The following C1QTNF3 variants were observed in gnomAD, a reference collection of about 807,000 sequenced individuals.
C1QTNF3 encodes complement C1q tumor necrosis factor-related protein 3.
C1QTNF3 carries 26 observed loss-of-function variants against 32.6 expected under a neutral mutation model. The ratio of observed to expected loss-of-function variants is 0.80; its 90% CI spans 0.58 to 1.11. C1QTNF3 has a LOEUF of 1.11. Among genes scored for constraint, C1QTNF3 ranks in the 50% least tolerant of loss-of-function variants. The pLI, the probability that C1QTNF3 is intolerant of heterozygous loss-of-function variation, is 0.00. For synonymous variants in C1QTNF3, 155 were observed against 146.0 expected, an observed-to-expected ratio of 1.06 and a Z score of -0.44; for missense variants, 362 against 398.2, an observed-to-expected ratio of 0.91 and a Z score of 0.77.
At chr5:34,161,740 T>C in the C1QTNF3 span, among the ~76,000 whole-genome samples, 1 of 152,172 alleles carries the variant, frequency 6.6e-6, no homozygotes, top group Non-Finnish European at 1.5e-5. Context: ...ATTTTAAAAA[T>C]ATTGTAAATG....
the C1QTNF3 span, among the ~76,000 whole-genome samples, chr5:34,234,249 T>C: frequency 6.6e-6 from 1 of 152,152 alleles, no homozygotes; most frequent in Non-Finnish European, 1.5e-5. Flanking sequence ...GATTTCTTGC[T>C]TACATATCAG....
chr5:34,144,774 C>G, the C1QTNF3 span, among the ~76,000 whole-genome samples: 2 of 152,120 alleles, frequency 1.3e-5, no homozygotes, highest in Non-Finnish European at 2.9e-5. Flanking sequence ...TGGGATGTAG[C>G]TAAAGCAGTA....
chr5:34,166,723 A>C, the C1QTNF3 span: 55 of 152,158 alleles, frequency 3.6e-4, no homozygotes, highest in Non-Finnish European at 7.2e-4. Context: ...CATGCTTAGT[A>C]TTAACCAATA....
At chr5:34,120,743 T>C in the C1QTNF3 span, among the ~76,000 whole-genome samples, 1 of 152,210 alleles carries the variant, frequency 6.6e-6, no homozygotes, top group Non-Finnish European at 1.5e-5. Context: ...CCTTCCACCA[T>C]CATTGTGAGG....
At chr5:34,086,989 T>A in the C1QTNF3 span, among the ~76,000 whole-genome samples, 6 of 152,194 alleles carry the variant, frequency 3.9e-5, no homozygotes, top group Admixed American at 3.9e-4. Context: ...GATATTTTAA[T>A]GCAATAAAAT....
the C1QTNF3 span, among the ~76,000 whole-genome samples, chr5:34,102,281 T>C: frequency 6.6e-6 from 1 of 152,202 alleles, no homozygotes; most frequent in Non-Finnish European, 1.5e-5. Context: ...TATTTATACA[T>C]TGTTTACACA....
the C1QTNF3 span, among the ~76,000 whole-genome samples, chr5:34,183,837 T>C: frequency 1.3e-5 from 2 of 152,168 alleles, no homozygotes; most frequent in Admixed American, 6.5e-5. Flanking sequence ...CAATTAATTA[T>C]ATTTGCATCT....
At chr5:34,233,702 GTT>G in the C1QTNF3 span, among the ~76,000 whole-genome samples, 3 of 147,852 alleles carry the variant, frequency 2.0e-5, no homozygotes, top group South Asian at 2.1e-4. Context: ...CAGGACATGC[GTT>G]TTTTTTTTTG....
At chr5:34,176,099 A>C in the C1QTNF3 span, 2 of 541,534 alleles carry the variant, frequency 3.7e-6, no homozygotes, top group Non-Finnish European at 6.6e-6. Context: ...TGCTAGGGTA[A>C]AGACAGTCAG....
chr5:34,155,275 T>G, the C1QTNF3 span, among the ~76,000 whole-genome samples: 4 of 152,186 alleles, frequency 2.6e-5, no homozygotes, highest in Non-Finnish European at 2.9e-5. Flanking sequence ...TAAGCCTGTG[T>G]TATTTGACCG....
At chr5:34,240,730 G>A in the C1QTNF3 span, among the ~76,000 whole-genome samples, 1 of 152,172 alleles carries the variant, frequency 6.6e-6, no homozygotes, top group South Asian at 2.1e-4. Context: ...AACTATTCCA[G>A]AAAAGTTGAA....
the C1QTNF3 span, among the ~76,000 whole-genome samples, chr5:34,112,320 A>G: frequency 6.6e-6 from 1 of 152,050 alleles, no homozygotes; most frequent in Non-Finnish European, 1.5e-5. Context: ...CCCATACTGA[A>G]AGATCTGAGG....
the C1QTNF3 span, among the ~76,000 whole-genome samples, chr5:34,176,715 A>G: frequency 6.6e-6 from 1 of 151,956 alleles, no homozygotes; most frequent in Admixed American, 6.6e-5. Context: ...AAGTTAGCCA[A>G]GCATGGAGGC....
chr5:34,064,641 G>C, the C1QTNF3 span, among the ~76,000 whole-genome samples: 1 of 152,308 alleles, frequency 6.6e-6, no homozygotes, highest in South Asian at 2.1e-4. Flanking sequence ...CGGATCTGGA[G>C]GGGTGGAAGT....
the C1QTNF3 span, among the ~76,000 whole-genome samples, chr5:34,231,158 G>C: frequency 1.3e-5 from 2 of 152,056 alleles, no homozygotes; most frequent in Non-Finnish European, 2.9e-5. Context: ...AATAAACTTA[G>C]TTTTGCTTTA....
chr5:34,124,253 A>C, the C1QTNF3 span: 1 of 493,768 alleles, frequency 2.0e-6, no homozygotes, highest in Non-Finnish European at 3.7e-6. Flanking sequence ...AAGCTGGTAA[A>C]CTTTTTAGAT....
chr5:34,074,805 C>T, the C1QTNF3 span, among the ~76,000 whole-genome samples: 61 of 151,016 alleles, frequency 4.0e-4, 2 homozygotes, highest in East Asian at 0.01. Context: ...TTTTCTAATC[C>T]GTTCGAGATA....
At chr5:34,131,542 G>C in the C1QTNF3 span, among the ~76,000 whole-genome samples, 1 of 152,056 alleles carries the variant, frequency 6.6e-6, no homozygotes, top group Admixed American at 6.6e-5. Context: ...GTTAAACACT[G>C]CATGTTCTCA....
chr5:34,225,692 C>G, the C1QTNF3 span, among the ~76,000 whole-genome samples: 1 of 151,696 alleles, frequency 6.6e-6, no homozygotes, highest in Non-Finnish European at 1.5e-5. Context: ...TGAGAGTGCC[C>G]CAAACCTTGG....
Sources: allele counts gnomAD v4.1 joint callset (sites outside exome capture counted in the v4.1 genomes callset), GRCh38; gene constraint gnomAD v4.1.1; transcripts MANE v1.5; gene names NCBI Gene and HGNC (gene_info 2026-07-23, HGNC 2026-07-21).